The following PARD3B variants were observed in gnomAD, a reference collection of about 807,000 sequenced individuals.
PARD3B encodes partitioning defective 3 homolog B.
In PARD3B, 103 loss-of-function variants were observed where a neutral mutation model predicts 130.2. The observed-to-expected ratio is 0.79, with a 90% CI of 0.67 to 0.93. PARD3B has a LOEUF of 0.93. Among genes scored for constraint, PARD3B ranks in the 40% least tolerant of loss-of-function variants. The pLI is 0.00. For synonymous variants in PARD3B, 583 were observed against 553.2 expected (o/e 1.05, Z -0.76); for missense variants, 1,609 against 1,499.2 (o/e 1.07, Z -1.21).
chr2:204,961,876 G>T (rs929035614), intron 2 of PARD3B, among the ~76,000 whole-genome samples: 2 of 152,124 alleles, frequency 1.3e-5, no homozygotes, highest in African/African-American at 4.8e-5. Context: ...TTTCAGTGGA[G>T]TTGAGGGGTG....
intron 20 of PARD3B, among the ~76,000 whole-genome samples, chr2:205,462,404 T>G (rs182995212): frequency 8.8e-4 from 134 of 152,328 alleles, no homozygotes; most frequent in Non-Finnish European, 1.5e-3. Context: ...CACCTGCACA[T>G]GCATTCTTAG....
intron 3 of PARD3B, among the ~76,000 whole-genome samples, chr2:205,006,222 A>T (rs914981071): frequency 2.2e-4 from 34 of 152,160 alleles, no homozygotes; most frequent in African/African-American, 7.5e-4. Context: ...GTCAATGGAC[A>T]CTTTAGGTTG....
rs908043985 is a variant in PARD3B, at chr2:205,461,941, A to G, written c.3044+21269A>G. ...CTTAAAGGAAGAAATACTAAAATCA[A>G]AAGTAGACTTTATGAGTAAGTGTGA... On this transcript the variant is annotated intron_variant, in intron 20 of 22. Coordinates refer to ENST00000406610, the MANE Select transcript of PARD3B (RefSeq NM_001302769.2). This position sits in a 1 kb window ranked among gnomAD's most constrained non-coding sequence, Gnocchi z 4.3. 1.3e-5 allele frequency among the ~76,000 whole-genome samples: 2 copies of G among 152,204 alleles called. No individual in the cohort carries two copies. Among genetic ancestry groups the G allele is most frequent in the African/African-American group, 4.8e-5 (2 of 41,458 alleles).
At chr2:204,833,644 G>A (rs1384450175) in intron 2 of PARD3B, among the ~76,000 whole-genome samples, 3 of 152,006 alleles carry the variant, frequency 2.0e-5, no homozygotes, top group Non-Finnish European at 2.9e-5. Context: ...TTTATAAAGG[G>A]GAGTTTCCCT....
At chr2:205,404,488 C>A (rs1253766626) in intron 19 of PARD3B, among the ~76,000 whole-genome samples, 1 of 152,114 alleles carries the variant, frequency 6.6e-6, no homozygotes, top group African/African-American at 2.4e-5. Context: ...CACTTGATAT[C>A]CAAAACCTGC....
chr2:205,369,424 G>C (rs571001611), intron 18 of PARD3B, among the ~76,000 whole-genome samples: 1 of 152,140 alleles, frequency 6.6e-6, no homozygotes, highest in African/African-American at 2.4e-5. Flanking sequence ...AGCATGATCT[G>C]TCTCACAGGC....
At chr2:204,706,548 A>G (rs1178693228) in intron 2 of PARD3B, among the ~76,000 whole-genome samples, 3 of 152,094 alleles carry the variant, frequency 2.0e-5, no homozygotes. Flanking sequence ...TTTGAAAAAT[A>G]TGAAATAGCG....
chr2:205,469,347 C>T (rs185986567), intron 20 of PARD3B, among the ~76,000 whole-genome samples: 1 of 152,248 alleles, frequency 6.6e-6, no homozygotes, highest in Non-Finnish European at 1.5e-5. Flanking sequence ...TCTGATTGCC[C>T]TCTCCTTCTG....
At chr2:205,202,184 T>C (rs2037029500) in intron 15 of PARD3B, among the ~76,000 whole-genome samples, 1 of 152,170 alleles carries the variant, frequency 6.6e-6, no homozygotes, top group South Asian at 2.1e-4. Flanking sequence ...TATAGACTAT[T>C]AGTAGTAGTA....
At chr2:205,310,715 C>CTT (rs1311997873) in intron 18 of PARD3B, among the ~76,000 whole-genome samples, 42 of 102,062 alleles carry the variant, frequency 4.1e-4, no homozygotes, top group African/African-American at 1.3e-3. Flanking sequence ...TTCTTTCTTT[C>CTT]TTTCTTTTTT....
chr2:205,169,925 C>G (rs896765311), intron 11 of PARD3B, among the ~76,000 whole-genome samples: 4 of 144,646 alleles, frequency 2.8e-5, no homozygotes, highest in Non-Finnish European at 4.5e-5. Flanking sequence ...TGTTGTTCCC[C>G]CCACCCTTTT....
At chr2:205,448,865 C>A (rs1465798215) in intron 20 of PARD3B, among the ~76,000 whole-genome samples, 3 of 152,064 alleles carry the variant, frequency 2.0e-5, no homozygotes, top group Admixed American at 2.0e-4. Flanking sequence ...TCTGGTAACC[C>A]TAACAAGAAA....
At chr2:205,363,024 C>T (rs1405704976) in intron 18 of PARD3B, among the ~76,000 whole-genome samples, 1 of 152,058 alleles carries the variant, frequency 6.6e-6, no homozygotes, top group African/African-American at 2.4e-5. Context: ...CAGGGAGGCT[C>T]TCTGCCCCTT....
rs1553540374 is a variant in PARD3B at position 204,553,669 on chromosome 2, T to TATATCC, written c.120+7554_120+7555insCCATAT. Among the ~76,000 whole-genome samples, 4 of 68,908 alleles carry TATATCC rather than the reference T, an allele frequency of 5.8e-5. No homozygotes were observed. In the South Asian group the frequency reaches 1.9e-3, roughly 32 times the overall value. 45.2% of individuals were successfully genotyped at this position (68,908 alleles called of 152,430 possible). On this transcript the variant is annotated intron_variant, in intron 1 of 22. Coordinates refer to ENST00000406610, the MANE Select transcript of PARD3B (RefSeq NM_001302769.2). ...ATATATCCATATATATATATATATA[T>TATATCC]ATATATATATATATATATATATATA...
Position 205,146,635 on chromosome 2 carries a change from A to T in PARD3B, c.1435-12087A>T, listed in dbSNP as rs2033382464. On this transcript the variant is annotated intron_variant, in intron 10 of 22. Coordinates refer to ENST00000406610, the MANE Select transcript of PARD3B (RefSeq NM_001302769.2). The surrounding 1 kb of genome is among the most constrained non-coding windows in gnomAD (Gnocchi z 4.3). The stretch of plus-strand genomic sequence containing the variant: ...CACTGCACTCCAGCCTGGGCGACAG[A>T]GCGAGACTCCGCCTCAAAAAAAAAA... Among the ~76,000 whole-genome samples the T allele has an allele frequency of 1.3e-5, 2 of 151,942 alleles. No individual in the cohort carries two copies. Among genetic ancestry groups the T allele is most frequent in the Non-Finnish European group, 2.9e-5 (2 of 67,974 alleles).
chr2:205,384,021 CTA>C (rs375424708), intron 18 of PARD3B, among the ~76,000 whole-genome samples: 1 of 152,184 alleles, frequency 6.6e-6, no homozygotes, highest in Non-Finnish European at 1.5e-5. Flanking sequence ...TGACTTGAAA[CTA>C]TGTTTTTTAT....
At chr2:205,227,466 G>A (rs1332260228) in intron 15 of PARD3B, among the ~76,000 whole-genome samples, 1 of 151,870 alleles carries the variant, frequency 6.6e-6, no homozygotes, top group African/African-American at 2.4e-5. Flanking sequence ...TTTTTGCCCT[G>A]AAATCTATTT....
chr2:204,732,965 C>G (rs1387035021), intron 2 of PARD3B, among the ~76,000 whole-genome samples: 1 of 152,104 alleles, frequency 6.6e-6, no homozygotes, highest in East Asian at 1.9e-4. Context: ...TCCATTCCAC[C>G]CCTAGCAGAG....
intron 3 of PARD3B, among the ~76,000 whole-genome samples, chr2:205,035,502 C>T (rs1294520596): frequency 6.6e-6 from 1 of 151,912 alleles, no homozygotes; most frequent in Admixed American, 6.6e-5. Context: ...TAGAGTAGCT[C>T]TGGCTTTGTG....
Sources: gnomAD v4.1 joint callset for allele counts (sites outside exome capture counted in the v4.1 genomes callset) on GRCh38, gnomAD v4.1.1 for gene constraint, Gnocchi (gnomAD v3.1) non-coding constraint, MANE v1.5 for transcripts, NCBI Gene and HGNC (gene_info 2026-07-23, HGNC 2026-07-21) for gene names.